Variants in TYW1B observed in about 807,000 individuals in gnomAD.
The protein encoded by TYW1B is tRNA-yW synthesizing protein 1 homolog B, also known as S-adenosyl-L-methionine-dependent tRNA 4-demethylwyosine synthase TYW1B.
TYW1B carries 73 observed loss-of-function variants against 86.9 expected under a neutral mutation model. The ratio of observed to expected loss-of-function variants is 0.84; its 90% CI spans 0.70 to 1.02. The LOEUF is 1.02. TYW1B is among the 50% of genes least tolerant of loss of function. The pLI is 0.00. For synonymous variants in TYW1B, 248 were observed against 292.8 expected, an observed-to-expected ratio of 0.85 and a Z score of 1.56; for missense variants, 637 against 827.4, an observed-to-expected ratio of 0.77 and a Z score of 2.82.
chr7:72,639,883 A>G (rs1444437422), intron 11 of TYW1B, among the ~76,000 whole-genome samples: 1 of 151,316 alleles, frequency 6.6e-6, no homozygotes, highest in African/African-American at 2.4e-5. Context: ...AAAAAAAAAG[A>G]ATGGTAAGGT....
intron 7 of TYW1B, among the ~76,000 whole-genome samples, chr7:72,760,066 A>C (rs1787661715): frequency 6.6e-6 from 1 of 152,192 alleles, no homozygotes; most frequent in African/African-American, 2.4e-5. Flanking sequence ...AAGCCAAAAC[A>C]AAAAAACCCT....
intron 8 of TYW1B, among the ~76,000 whole-genome samples, chr7:72,743,942 T>C (rs1252484563): frequency 6.6e-6 from 1 of 152,028 alleles, no homozygotes; most frequent in African/African-American, 2.4e-5. Flanking sequence ...ATTTAGCCAT[T>C]TTCTTTCACT....
intron 11 of TYW1B, among the ~76,000 whole-genome samples, chr7:72,633,607 A>G (rs1197630638): frequency 2.0e-5 from 3 of 152,194 alleles, no homozygotes; most frequent in African/African-American, 7.2e-5. Context: ...AATATCTAAT[A>G]TCCTGACTTT....
intron 7 of TYW1B, among the ~76,000 whole-genome samples, chr7:72,765,567 A>G (rs191537931): frequency 1.3e-4 from 20 of 152,202 alleles, no homozygotes; most frequent in Admixed American, 1.3e-3. Context: ...CTAGGTTCAA[A>G]TGATTCTCGT....
chr7:72,766,872 A>G (rs1554468542), intron 7 of TYW1B, among the ~76,000 whole-genome samples: 2 of 152,120 alleles, frequency 1.3e-5, no homozygotes, highest in African/African-American at 4.8e-5. Flanking sequence ...GGTTGCAGAG[A>G]GCTGAGATCA....
intron 13 of TYW1B, among the ~76,000 whole-genome samples, chr7:72,615,233 GAC>G (rs1812041189): frequency 6.6e-6 from 1 of 152,226 alleles, no homozygotes; most frequent in Admixed American, 6.5e-5. Flanking sequence ...AAATCTTACA[GAC>G]TGAAGTAAAG....
intron 11 of TYW1B, among the ~76,000 whole-genome samples, chr7:72,671,388 G>A (rs1554446329): frequency 2.6e-5 from 4 of 152,086 alleles, no homozygotes; most frequent in Admixed American, 6.6e-5. Flanking sequence ...CCTGACTGAT[G>A]GATAGTTTGC....
chr7:72,693,639 C>T (rs1814228944), intron 11 of TYW1B, among the ~76,000 whole-genome samples: 2 of 151,870 alleles, frequency 1.3e-5, no homozygotes, highest in Non-Finnish European at 2.9e-5. Flanking sequence ...AAGCGATCTG[C>T]CCACCTTGGC....
At chr7:72,684,417 G>C (rs1322233002) in intron 11 of TYW1B, among the ~76,000 whole-genome samples, 8 of 151,980 alleles carry the variant, frequency 5.3e-5, no homozygotes, top group Admixed American at 1.3e-4. Flanking sequence ...GAGACGGCAG[G>C]GTGAAATATT....
At chr7:72,714,954 C>T (rs1786750261) in intron 9 of TYW1B, among the ~76,000 whole-genome samples, 1 of 152,158 alleles carries the variant, frequency 6.6e-6, no homozygotes, top group East Asian at 1.9e-4. Flanking sequence ...AGGTCCACCT[C>T]TAAAGAGTCT....
At chr7:72,827,047 T>C in intron 1 of TYW1B, 62 bp from the exon 2 acceptor site, 1 of 1,526,110 alleles carries the variant, frequency 6.6e-7, no homozygotes, top group Middle Eastern at 1.8e-4. Flanking sequence ...AAGATATCCT[T>C]CCCGATTTTA....
intron 10 of TYW1B, among the ~76,000 whole-genome samples, chr7:72,703,731 G>A (rs1456788056): frequency 4.6e-5 from 7 of 151,602 alleles, no homozygotes; most frequent in African/African-American, 7.3e-5. Flanking sequence ...GGCGCGCGCC[G>A]GTAGTCCTAG....
intron 11 of TYW1B, among the ~76,000 whole-genome samples, chr7:72,635,875 A>C (rs1554440679): frequency 1.3e-5 from 2 of 152,230 alleles, no homozygotes; most frequent in Non-Finnish European, 2.9e-5. Flanking sequence ...TTTTTACCAG[A>C]CTAAGTCTTT....
At chr7:72,608,734 T>C (rs1811859148) in intron 13 of TYW1B, among the ~76,000 whole-genome samples, 5 of 152,206 alleles carry the variant, frequency 3.3e-5, no homozygotes. Flanking sequence ...GAAGTGGCTC[T>C]ATTATTGTCA....
chr7:72,620,013 C>T (rs574848400), intron 12 of TYW1B, among the ~76,000 whole-genome samples: 17 of 152,262 alleles, frequency 1.1e-4, no homozygotes, highest in South Asian at 4.1e-4. Flanking sequence ...ATGCCTGCTG[C>T]GGTTCATTAT....
In TYW1B at chr7:72,827,796, G is replaced by A. The variant is rs540748787; in HGVS notation, c.4+276C>T. 1.3e-4 allele frequency among the ~76,000 whole-genome samples: 20 copies of A among 152,248 alleles called. No homozygotes were observed. The East Asian group carries it at 2.7e-3, about 21-fold the overall frequency. On this transcript the variant is annotated intron_variant, in intron 1 of 13. Coordinates refer to ENST00000620995, the MANE Select transcript of TYW1B (RefSeq NM_001145440.3). The stretch of plus-strand genomic sequence containing the variant: ...CCTGGCAGCAATTTCAAAAGTCGAA[G>A]CCTGAAATTTAGGCTTTACAGGTGC...
chr7:72,821,010 TC>T (rs782223671), intron 2 of TYW1B, among the ~76,000 whole-genome samples: 1 of 152,184 alleles, frequency 6.6e-6, no homozygotes, highest in Non-Finnish European at 1.5e-5. Context: ...TTTCACTCTG[TC>T]CCCCAGGCTG....
intron 11 of TYW1B, among the ~76,000 whole-genome samples, chr7:72,694,104 G>C (rs1814246652): frequency 6.6e-6 from 1 of 152,102 alleles, no homozygotes; most frequent in Non-Finnish European, 1.5e-5. Flanking sequence ...GGGATAACAG[G>C]TGCATGCCAT....
chr7:72,727,554 C>T (rs1213883515), intron 9 of TYW1B, among the ~76,000 whole-genome samples: 1 of 152,148 alleles, frequency 6.6e-6, no homozygotes, highest in South Asian at 2.1e-4. Context: ...AGGTGGCTCA[C>T]ACCTGTAATC....
Sources: gnomAD v4.1 joint callset for allele counts (sites outside exome capture counted in the v4.1 genomes callset) on GRCh38, gnomAD v4.1.1 for gene constraint, MANE v1.5 for transcripts, NCBI Gene and HGNC (gene_info 2026-07-23, HGNC 2026-07-21) for gene names.